The following ZBTB20 variants were observed in gnomAD, a reference collection of about 807,000 sequenced individuals.
ZBTB20 encodes zinc finger and BTB domain-containing protein 20.
A neutral mutation model predicts 56.9 loss-of-function variants in ZBTB20; 9 were observed. The observed-to-expected ratio is 0.16, with a 90% CI of 0.10 to 0.28. The LOEUF (loss-of-function observed/expected upper bound fraction) is 0.28. ZBTB20 is among the 10% of genes least tolerant of loss of function. ZBTB20 has a pLI of 1.00. For synonymous variants in ZBTB20, 417 were observed against 420.7 expected, an observed-to-expected ratio of 0.99 and a Z score of 0.11; for missense variants, 655 against 1,003.0, an observed-to-expected ratio of 0.65 and a Z score of 4.69.
intron 7 of ZBTB20, among the ~76,000 whole-genome samples, chr3:114,441,900 A>C (rs1576777815): frequency 6.6e-6 from 1 of 151,952 alleles, no homozygotes; most frequent in Non-Finnish European, 1.5e-5. Flanking sequence ...AAACCAAAAC[A>C]AAAAAAACCA....
intron 1 of ZBTB20, among the ~76,000 whole-genome samples, chr3:115,131,286 A>G (rs1030374544): frequency 6.6e-6 from 1 of 152,160 alleles, no homozygotes. Context: ...TATAAGGTAG[A>G]TATATACATA....
In ZBTB20 at chr3:114,351,010, G is replaced by A. The variant is rs765484475; in HGVS notation, c.1068C>T (p.Cys356=). The change falls in exon 11 of 12, where the codon TGC becomes TGT. Residue 356 remains cysteine, a synonymous_variant. Coordinates refer to ENST00000675478, the MANE Select transcript of ZBTB20 (RefSeq NM_001348800.3). Reference sequence around the variant, plus strand: ...CCTCGGCCTGGTCTGTGTCTTCCGTGCACTCCTCGGATTCGTTGCGTTCCA... The same window carrying A: ...CCTCGGCCTGGTCTGTGTCTTCCGTACACTCCTCGGATTCGTTGCGTTCCA... The part of the protein sequence containing the change: ...QILERNESEE[C]TEDTDQAEGT... 2.5e-6 allele frequency: 4 copies of A among 1,610,970 alleles called. No individual in the cohort carries two copies. The East Asian group carries it at 8.9e-5, about 36-fold the overall frequency.
chr3:114,787,331 T>TTATATATATATATA (rs138181405), intron 5 of ZBTB20, among the ~76,000 whole-genome samples: 82 of 100,530 alleles, frequency 8.2e-4, no homozygotes, highest in South Asian at 1.3e-3. Flanking sequence ...TCTTAAAAGG[T>TTATATATATATATA]TATATATATA....
chr3:114,951,532 T>A (rs903368267), intron 3 of ZBTB20, among the ~76,000 whole-genome samples: 1 of 152,108 alleles, frequency 6.6e-6, no homozygotes, highest in Non-Finnish European at 1.5e-5. Context: ...AATGTCTACA[T>A]CCAAGATTGT....
intron 2 of ZBTB20, among the ~76,000 whole-genome samples, chr3:115,053,865 T>C (rs980142910): frequency 2.8e-4 from 43 of 152,164 alleles, no homozygotes; most frequent in Non-Finnish European, 1.3e-4. Context: ...TGTGTCGGTA[T>C]AAGGACATGT....
intron 3 of ZBTB20, among the ~76,000 whole-genome samples, chr3:114,972,461 A>G (rs948942137): frequency 6.6e-6 from 1 of 152,178 alleles, no homozygotes; most frequent in African/African-American, 2.4e-5. Flanking sequence ...TGAAATCCTG[A>G]TATTTGTGAA....
intron 6 of ZBTB20, among the ~76,000 whole-genome samples, chr3:114,603,474 A>G (rs534301270): frequency 3.3e-5 from 5 of 152,146 alleles, no homozygotes; most frequent in African/African-American, 4.8e-5. Flanking sequence ...AGAAAACATT[A>G]GTAAATTTCT....
intron 7 of ZBTB20, among the ~76,000 whole-genome samples, chr3:114,433,809 C>G (rs2090306693): frequency 6.6e-6 from 1 of 152,138 alleles, no homozygotes; most frequent in African/African-American, 2.4e-5. Context: ...AGCAAGTCCT[C>G]CTGGCTATAG....
chr3:114,500,168 C>T (rs1473394116), intron 7 of ZBTB20, among the ~76,000 whole-genome samples, 184 bp downstream of exon 7: 1 of 152,144 alleles, frequency 6.6e-6, no homozygotes, highest in Non-Finnish European at 1.5e-5. Context: ...TTTTCTGCAC[C>T]CTCATGGATA....
intron 7 of ZBTB20, among the ~76,000 whole-genome samples, chr3:114,405,022 GT>G (rs2087174439): frequency 2.0e-5 from 3 of 152,106 alleles, no homozygotes; most frequent in African/African-American, 7.2e-5. Flanking sequence ...CTGAAACCAG[GT>G]ATCTAGGAAG....
At chr3:114,639,730 T>C (rs893503083) in intron 6 of ZBTB20, among the ~76,000 whole-genome samples, 2 of 152,068 alleles carry the variant, frequency 1.3e-5, no homozygotes, top group Non-Finnish European at 2.9e-5. Flanking sequence ...TAGTTAGCAA[T>C]ACGAGTTCAT....
chr3:114,994,663 G>C (rs951454436), intron 2 of ZBTB20, among the ~76,000 whole-genome samples: 12 of 151,866 alleles, frequency 7.9e-5, no homozygotes, highest in African/African-American at 2.9e-4. Context: ...GGATGTGTGT[G>C]CCTGTCAGGC....
intron 1 of ZBTB20, among the ~76,000 whole-genome samples, chr3:115,084,951 T>G (rs1449045314): frequency 6.6e-6 from 1 of 152,018 alleles, no homozygotes; most frequent in African/African-American, 2.4e-5. Flanking sequence ...TGAGACTTAC[T>G]TAACGCTTTC....
At chr3:115,003,118 C>G (rs760652159) in intron 2 of ZBTB20, among the ~76,000 whole-genome samples, 13 of 151,400 alleles carry the variant, frequency 8.6e-5, no homozygotes, top group Non-Finnish European at 1.8e-4. Context: ...ACTATAGATA[C>G]CGTAAAAAAG....
At chr3:114,529,338 G>C (rs929426474) in intron 6 of ZBTB20, 2 of 152,128 alleles carry the variant, frequency 1.3e-5, no homozygotes, top group Non-Finnish European at 2.9e-5. Flanking sequence ...GTCAACCTGG[G>C]TCCCTGACCA....
At chr3:115,145,408 A>C (rs1057476265) in intron 1 of ZBTB20, among the ~76,000 whole-genome samples, 9 of 152,218 alleles carry the variant, frequency 5.9e-5, no homozygotes, top group African/African-American at 2.2e-4. Context: ...ACAGATGCTC[A>C]AGTCCCTTAC....
At chr3:114,503,046 T>C (rs549426955) in intron 6 of ZBTB20, among the ~76,000 whole-genome samples, 18 of 152,316 alleles carry the variant, frequency 1.2e-4, no homozygotes, top group Admixed American at 8.5e-4. Context: ...TCAAGGTGCA[T>C]TTATTCATAA....
chr3:114,348,048 A>G (rs2108173181), intron 11 of ZBTB20, among the ~76,000 whole-genome samples: 1 of 152,358 alleles, frequency 6.6e-6, no homozygotes, highest in Non-Finnish European at 1.5e-5. Context: ...CAGTGAATCC[A>G]TTGGAGAAAT....
chr3:114,979,719 T>C (rs1452110157), intron 2 of ZBTB20, among the ~76,000 whole-genome samples: 1 of 152,054 alleles, frequency 6.6e-6, no homozygotes, highest in African/African-American at 2.4e-5. Context: ...TACAGTTCCA[T>C]CGTCAAGAAG....
Sources: gnomAD v4.1 joint callset for allele counts (sites outside exome capture counted in the v4.1 genomes callset) on GRCh38, gnomAD v4.1.1 for gene constraint, MANE v1.5 for transcripts, NCBI Gene and HGNC (gene_info 2026-07-23, HGNC 2026-07-21) for gene names.